PTPRS: variants seen among roughly 807,000 people sequenced by gnomAD.
PTPRS encodes the protein receptor-type tyrosine-protein phosphatase S.
Under a neutral mutation model 215.3 loss-of-function variants are expected in PTPRS, and 63 were observed. The observed-to-expected ratio is 0.29, with a 90% CI of 0.24 to 0.36. The LOEUF (loss-of-function observed/expected upper bound fraction) is 0.36. Ranked by LOEUF, PTPRS falls within the 10% of genes least tolerant of loss-of-function variation. PTPRS has a pLI of 1.00. For synonymous variants in PTPRS, 1,404 were observed against 1,191.4 expected (o/e 1.18, Z -3.68); for missense variants, 2,258 against 2,825.8 (o/e 0.80, Z 4.56).
At chr19:5,236,852 A>G (rs1347175034) in intron 13 of PTPRS, among the ~76,000 whole-genome samples, 2 of 139,458 alleles carry the variant, frequency 1.4e-5, no homozygotes, top group Non-Finnish European at 3.0e-5. Flanking sequence ...GCAGGGGGAA[A>G]AAAAAAAAAA....
At chr19:5,289,448 C>G (rs1314499274) in intron 1 of PTPRS, among the ~76,000 whole-genome samples, 1 of 152,214 alleles carries the variant, frequency 6.6e-6, no homozygotes, top group Non-Finnish European at 1.5e-5. Flanking sequence ...CTGCAAGCAC[C>G]CGAGTCAGGG....
chr19:5,243,098 C>A (rs759085871), intron 11 of PTPRS, among the ~76,000 whole-genome samples: 2 of 151,698 alleles, frequency 1.3e-5, no homozygotes, highest in Non-Finnish European at 2.9e-5. Flanking sequence ...GGACTACAGG[C>A]ACATGCCACC....
chr19:5,297,912 C>T (rs1280213069), intron 1 of PTPRS, among the ~76,000 whole-genome samples: 1 of 151,788 alleles, frequency 6.6e-6, no homozygotes, highest in Non-Finnish European at 1.5e-5. Flanking sequence ...CCTGCCTCAG[C>T]CTCCTGAGTA....
At chr19:5,336,734 C>T (rs2050513604) in intron 1 of PTPRS, among the ~76,000 whole-genome samples, 1 of 151,396 alleles carries the variant, frequency 6.6e-6, no homozygotes, top group Admixed American at 6.6e-5. Context: ...TCTTAATCTC[C>T]TCTCCTCCTG....
intron 2 of PTPRS, among the ~76,000 whole-genome samples, chr19:5,275,383 CTTTTCT>C (rs1568543949): frequency 5.1e-5 from 5 of 98,278 alleles, no homozygotes; most frequent in Admixed American, 1.3e-4. Flanking sequence ...TTTTCTTTTT[CTTTTCT>C]TTTTTTTTTT....
intron 1 of PTPRS, among the ~76,000 whole-genome samples, chr19:5,297,560 G>A (rs370423714): frequency 3.7e-4 from 57 of 152,198 alleles, no homozygotes; most frequent in Middle Eastern, 3.4e-3. Context: ...ACATAAGGCC[G>A]GGCAGTGCTA....
chr19:5,264,740 A>G (rs1223615595), intron 5 of PTPRS, among the ~76,000 whole-genome samples: 1 of 152,126 alleles, frequency 6.6e-6, no homozygotes, highest in Non-Finnish European at 1.5e-5. Flanking sequence ...GTCTGCATCC[A>G]TTATATCTTC....
chr19:5,304,065 A>G (rs552683640), intron 1 of PTPRS, among the ~76,000 whole-genome samples: 1 of 152,314 alleles, frequency 6.6e-6, no homozygotes, highest in South Asian at 2.1e-4. Flanking sequence ...TTCGTCTCTC[A>G]GCATCCCTCT....
chr19:5,229,197 G>A, intron 16 of PTPRS, 119 bp downstream of exon 16: 2 of 1,131,322 alleles, frequency 1.8e-6, no homozygotes, highest in Admixed American at 4.2e-5. Context: ...GGGCGCATGG[G>A]AGGGCCCAGA....
chr19:5,252,282 A>G (rs1188686855), intron 9 of PTPRS, among the ~76,000 whole-genome samples: 1 of 152,160 alleles, frequency 6.6e-6, no homozygotes, highest in Non-Finnish European at 1.5e-5. Context: ...TCAAGGTAGA[A>G]CATTGCTCAA....
At chr19:5,326,580 C>G (rs531724628) in intron 1 of PTPRS, among the ~76,000 whole-genome samples, 2 of 150,674 alleles carry the variant, frequency 1.3e-5, no homozygotes, top group Admixed American at 1.3e-4. Context: ...CAGCGCTTTG[C>G]GAGGCTGAGG....
chr19:5,301,597 T>C lies in PTPRS; in HGVS notation c.-94-15363A>G, dbSNP rs2049306457. ...TCCCAAAGTGCCAGGATTACATGCA[T>C]GAGCCTCCACACCTGGCTGTAAATG... On this transcript the variant is annotated intron_variant, in intron 1 of 37. Transcript: ENST00000262963. Among the ~76,000 whole-genome samples, 4 of 152,114 alleles carry C rather than the reference T, an allele frequency of 2.6e-5. No individual in the cohort carries two copies. The South Asian group carries it at 6.2e-4, about 24-fold the overall frequency.
At chr19:5,335,454 G>C (rs1352798983) in intron 1 of PTPRS, among the ~76,000 whole-genome samples, 2 of 152,166 alleles carry the variant, frequency 1.3e-5, no homozygotes, top group African/African-American at 4.8e-5. Flanking sequence ...TTCTGTAAGT[G>C]AGGAAGCTCC....
intron 1 of PTPRS, among the ~76,000 whole-genome samples, chr19:5,335,326 T>G (rs571821869): frequency 2.6e-5 from 4 of 152,240 alleles, no homozygotes; most frequent in Non-Finnish European, 5.9e-5. Flanking sequence ...GCGACTGTAC[T>G]GATCTTAGAG....
chr19:5,207,229 C>T (rs188587516), intron 37 of PTPRS, among the ~76,000 whole-genome samples: 18 of 152,308 alleles, frequency 1.2e-4, no homozygotes, highest in African/African-American at 2.9e-4. Context: ...GGATGACAGG[C>T]GTGTACCACC....
intron 1 of PTPRS, among the ~76,000 whole-genome samples, chr19:5,300,264 A>G (rs1182422718): frequency 6.6e-6 from 1 of 151,850 alleles, no homozygotes; most frequent in Non-Finnish European, 1.5e-5. Flanking sequence ...AGAAAAGAAA[A>G]AGAAAAATTA....
chr19:5,288,864 C>T (rs17676218), intron 1 of PTPRS, among the ~76,000 whole-genome samples: 27,070 of 152,230 alleles, frequency 0.18, 2,766 homozygotes, highest in Non-Finnish European at 0.24. Flanking sequence ...CCCTGGCTCC[C>T]ACGGCAGAAG....
intron 4 of PTPRS, among the ~76,000 whole-genome samples, chr19:5,269,447 T>C (rs8110570): frequency 0.18 from 26,842 of 151,422 alleles, 3,362 homozygotes; most frequent in African/African-American, 0.35. Context: ...AGGCAGGGAG[T>C]GGCCCTGGCA....
chr19:5,314,701 ATTTCAAGTTGTTTCTCCACC>A (rs2049815703), intron 1 of PTPRS, among the ~76,000 whole-genome samples: 1 of 151,970 alleles, frequency 6.6e-6, no homozygotes, highest in African/African-American at 2.4e-5. Context: ...GTTTCTCCAC[ATTTCAAGTTGTTTCTCCACC>A]TTTCAAGTCC....
Sources: allele counts gnomAD v4.1 joint callset (sites outside exome capture counted in the v4.1 genomes callset), GRCh38; gene constraint gnomAD v4.1.1; transcripts MANE v1.5; gene names NCBI Gene and HGNC (gene_info 2026-07-23, HGNC 2026-07-21).